SPOCK3: variants seen among roughly 807,000 people sequenced by gnomAD.
SPOCK3 encodes the protein testican-3.
A neutral mutation model predicts 56.6 loss-of-function variants in SPOCK3; 30 were observed. The ratio of observed to expected loss-of-function variants is 0.53; its 90% confidence interval spans 0.40 to 0.72. The LOEUF (loss-of-function observed/expected upper bound fraction) is 0.72, where lower values mean the gene tolerates loss of function less well. SPOCK3 is among the 30% of genes least tolerant of loss of function. The pLI is 0.00. For synonymous variants in SPOCK3, 196 were observed against 183.3 expected, an observed-to-expected ratio of 1.07 and a Z score of -0.56; for missense variants, 527 against 530.0, an observed-to-expected ratio of 0.99 and a Z score of 0.06.
In SPOCK3 at chr4:167,218,007, A is replaced by C. The variant is rs569747645; in HGVS notation, c.189+15978T>G. 1.7e-3 allele frequency among the ~76,000 whole-genome samples: 254 copies of C among 152,288 alleles called. 1 individual carries two copies. The highest frequency in any genetic ancestry group is 5.7e-3 in the African/African-American group (236 of 41,582). ...ATCACAGTATAGTCCAAAAATAAAA[A>C]GGTGAAAATTAAGTTATGAAAGTCC... On this transcript the variant is annotated intron_variant, in intron 2 of 10. Coordinates refer to ENST00000357545, the MANE Select transcript of SPOCK3 (RefSeq NM_001040159.2).
intron 9 of SPOCK3, among the ~76,000 whole-genome samples, chr4:166,737,965 G>T (rs1734384137): frequency 6.6e-6 from 1 of 152,158 alleles, no homozygotes; most frequent in African/African-American, 2.4e-5. Context: ...CACTTAGCAT[G>T]GCAGAAGACC....
rs182027551 is a variant in SPOCK3, at chr4:166,819,397, G to A, written c.590-27108C>T. ...GAGAAAGGAGGCAAAGGAAATAAAC[G>A]TAAGGTATCAGGATTTAAAAAGGAG... On this transcript the variant is annotated intron_variant, in intron 6 of 10. Transcript: ENST00000357545. 3.9e-3 allele frequency among the ~76,000 whole-genome samples: 600 copies of A among 152,072 alleles called. 3 individuals carry two copies. The highest frequency in any genetic ancestry group is 7.0e-3 in the Non-Finnish European group (478 of 67,944).
chr4:166,849,187 C>T (rs1052726803), intron 6 of SPOCK3, among the ~76,000 whole-genome samples: 2 of 152,140 alleles, frequency 1.3e-5, no homozygotes, highest in Non-Finnish European at 2.9e-5. Context: ...ATTTAAAGGG[C>T]TGATAACTAG....
chr4:167,087,034 C>G (rs1321110960), intron 2 of SPOCK3, among the ~76,000 whole-genome samples: 1 of 152,016 alleles, frequency 6.6e-6, no homozygotes, highest in Admixed American at 6.6e-5. Flanking sequence ...CTACCTGGAT[C>G]TATAAGAATA....
chr4:167,195,631 G>A (rs1732869949), intron 2 of SPOCK3, among the ~76,000 whole-genome samples: 1 of 152,164 alleles, frequency 6.6e-6, no homozygotes, highest in African/African-American at 2.4e-5. Context: ...AGGTCAGCAG[G>A]CCTATTACCC....
chr4:166,737,534 C>T lies in SPOCK3; in HGVS notation c.1065G>A (p.Gln355=), dbSNP rs529220235. The part of the protein sequence containing the change: ...KPTQCHGSVG[Q]CWCVDRYGNE... ...TTCCATATCTGTCAACACACCAGCA[C>T]TGTCCAACACTGCCATGACATTGTG... The change falls in exon 10 of 11, where the codon CAG becomes CAA. Residue 355 remains glutamine (Q), a synonymous_variant. Transcript: ENST00000357545. The T allele has an allele frequency of 5.6e-6, 9 of 1,613,308 alleles. No individual in the cohort carries two copies. The African/African-American group carries it at 6.7e-5, about 12-fold the overall frequency.
chr4:166,763,840 C>T (rs890264651), intron 7 of SPOCK3, among the ~76,000 whole-genome samples: 13 of 152,016 alleles, frequency 8.6e-5, no homozygotes, highest in Non-Finnish European at 1.6e-4. Context: ...TAGATGACCA[C>T]GAAATTTAAT....
chr4:166,743,926 A>T (rs189879941), intron 8 of SPOCK3, among the ~76,000 whole-genome samples: 2 of 152,280 alleles, frequency 1.3e-5, no homozygotes, highest in Admixed American at 1.3e-4. Context: ...ACCTTTGCTA[A>T]GGCTTGACTA....
intron 4 of SPOCK3, among the ~76,000 whole-genome samples, chr4:166,952,914 A>C (rs979497482): frequency 1.3e-5 from 2 of 151,166 alleles, no homozygotes; most frequent in Non-Finnish European, 1.5e-5. Flanking sequence ...CCTTCCTTAC[A>C]CCTTATACAA....
chr4:166,771,334 TGAGA>T (rs1197680950), intron 7 of SPOCK3, among the ~76,000 whole-genome samples: 1 of 152,012 alleles, frequency 6.6e-6, no homozygotes, highest in East Asian at 1.9e-4. Context: ...TTTTGTTTAT[TGAGA>T]TATTTAAAAT....
Position 166,737,466 on chromosome 4 carries a change from C to T in SPOCK3, c.1132+1G>A. ...ATGAAATAAGTAACCCTTCTCCTTA[C>T]CACAATCTGCAACACCATTTATTCT... On this transcript the variant is annotated splice_donor_variant, in intron 10 of 10. Coordinates refer to ENST00000357545, the MANE Select transcript of SPOCK3 (RefSeq NM_001040159.2). LOFTEE classifies it high-confidence loss of function. The T allele has an allele frequency of 3.1e-6, 5 of 1,611,664 alleles. No individual in the cohort carries two copies. The highest frequency in any genetic ancestry group is 4.2e-6 in the Non-Finnish European group (5 of 1,178,950).
chr4:166,937,764 T>C (rs775842057), intron 4 of SPOCK3, among the ~76,000 whole-genome samples: 15 of 14,928 alleles, frequency 1.0e-3, no homozygotes, highest in East Asian at 0.036. Flanking sequence ...TTTTTTTTTC[T>C]TTTTTTTTTT....
chr4:166,744,067 G>C (rs1285706717), intron 8 of SPOCK3, among the ~76,000 whole-genome samples: 1 of 152,194 alleles, frequency 6.6e-6, no homozygotes, highest in Non-Finnish European at 1.5e-5. Context: ...AACTTCTGCA[G>C]ACTTAAACGT....
At chr4:167,060,394 A>G (rs1347201287) in intron 3 of SPOCK3, among the ~76,000 whole-genome samples, 6 of 152,010 alleles carry the variant, frequency 3.9e-5, no homozygotes, top group African/African-American at 1.4e-4. Flanking sequence ...AACATATCTC[A>G]TGTCTTTTCT....
chr4:166,905,979 A>C (rs543878635), intron 5 of SPOCK3, among the ~76,000 whole-genome samples: 1 of 152,142 alleles, frequency 6.6e-6, no homozygotes, highest in East Asian at 1.9e-4. Flanking sequence ...GGAGAGATAT[A>C]CCAAGTGTGT....
At chr4:167,155,924 T>C (rs1295361937) in intron 2 of SPOCK3, among the ~76,000 whole-genome samples, 1 of 152,098 alleles carries the variant, frequency 6.6e-6, no homozygotes, top group Admixed American at 6.5e-5. Flanking sequence ...CCACCATGCA[T>C]ATGTATACCT....
chr4:166,787,197 G>A (rs529097532), intron 7 of SPOCK3, among the ~76,000 whole-genome samples: 28 of 152,166 alleles, frequency 1.8e-4, no homozygotes, highest in Admixed American at 5.9e-4. Context: ...TGAACATTAC[G>A]TTAATAATTT....
Position 167,182,832 on chromosome 4 carries a change from G to A in SPOCK3, c.189+51153C>T, listed in dbSNP as rs182087775. ...ATTACAGGCGTGAGCCACTGTGCCC[G>A]TCCCATTTTCTTTCTTACTTATCTT... On this transcript the variant is annotated intron_variant, in intron 2 of 10. Transcript: ENST00000357545. Among the ~76,000 whole-genome samples, 517 of 152,198 alleles carry A rather than the reference G, an allele frequency of 3.4e-3. 3 individuals are homozygous for A. The highest frequency in any genetic ancestry group is 0.011 in the African/African-American group (468 of 41,530).
intron 5 of SPOCK3, among the ~76,000 whole-genome samples, chr4:166,903,115 AAT>A (rs1210668142): frequency 2.0e-5 from 3 of 147,248 alleles, no homozygotes; most frequent in Non-Finnish European, 4.5e-5. Flanking sequence ...TTTATTTATA[AAT>A]TATTTATAAT....
Sources: gnomAD v4.1 joint callset for allele counts (sites outside exome capture counted in the v4.1 genomes callset) on GRCh38, gnomAD v4.1.1 for gene constraint, MANE v1.5 for transcripts, NCBI Gene and HGNC (gene_info 2026-07-23, HGNC 2026-07-21) for gene names.